HTR2C: variants seen among roughly 807,000 people sequenced by gnomAD.
HTR2C encodes the protein 5-hydroxytryptamine (serotonin) receptor 2C, G protein-coupled.
In HTR2C, 5 loss-of-function variants were observed where a neutral mutation model predicts 21.0. The observed-to-expected ratio is 0.24, with a 90% CI of 0.12 to 0.50. The LOEUF is 0.50. Ranked by LOEUF, HTR2C falls within the 20% of genes least tolerant of loss-of-function variation. The pLI is 0.98. For missense variants in HTR2C, 271 were observed against 371.2 expected, an observed-to-expected ratio of 0.73 and a Z score of 2.22; for synonymous variants, 150 against 145.3, an observed-to-expected ratio of 1.03 and a Z score of -0.23.
At chrX:114,887,787 C>G (rs918876499) in intron 5 of HTR2C, among the ~76,000 whole-genome samples, 1 of 110,125 alleles carries the variant, frequency 9.1e-6, no homozygotes, top group Non-Finnish European at 1.9e-5. Flanking sequence ...TTTGGGAGGC[C>G]GAGGTGGGCA....
At chrX:114,594,935 G>C (rs1329925760) in intron 1 of HTR2C, among the ~76,000 whole-genome samples, 3 of 111,093 alleles carry the variant, frequency 2.7e-5, no homozygotes, top group African/African-American at 9.8e-5. Flanking sequence ...AGCTGAAAGG[G>C]TTTAATAATA....
At chrX:114,648,958 A>G (rs1336832754) in intron 2 of HTR2C, among the ~76,000 whole-genome samples, 1 of 111,561 alleles carries the variant, frequency 9.0e-6, no homozygotes, top group Admixed American at 9.6e-5. Context: ...TGGAGTATGG[A>G]AACTAACATG....
At chrX:114,619,669 A>AT (rs201883564) in intron 2 of HTR2C, among the ~76,000 whole-genome samples, 6 of 109,682 alleles carry the variant, frequency 5.5e-5, no homozygotes, top group Non-Finnish European at 5.7e-5. Context: ...GCTTAAAGGC[A>AT]TTTTTTTTTC....
chrX:114,711,287 T>A lies in HTR2C; in HGVS notation c.-79-15571T>A, dbSNP rs181376233. Among the ~76,000 whole-genome samples, 239 of 111,832 alleles carry A rather than the reference T, an allele frequency of 2.1e-3. 1 individual carries two copies. The highest frequency in any genetic ancestry group is 3.1e-3 in the Non-Finnish European group (166 of 53,092). On this transcript the variant is annotated intron_variant, in intron 2 of 5. Coordinates refer to ENST00000276198, the MANE Select transcript of HTR2C (RefSeq NM_000868.4). Reference sequence around the variant, plus strand: ...ATCAGCAGATTGTAGAAAAATTAAGTATGAATAGAGAATAGTAATGAATAT... The same window carrying A: ...ATCAGCAGATTGTAGAAAAATTAAGAATGAATAGAGAATAGTAATGAATAT...
chrX:114,881,212 T>A (rs1319649589), intron 5 of HTR2C, among the ~76,000 whole-genome samples: 1 of 111,237 alleles, frequency 9.0e-6, no homozygotes, highest in Non-Finnish European at 1.9e-5. Context: ...GGGTTATTTA[T>A]CTCTTACTAC....
chrX:114,747,502 C>A (rs782451786), intron 4 of HTR2C, among the ~76,000 whole-genome samples: 2 of 112,304 alleles, frequency 1.8e-5, no homozygotes, highest in African/African-American at 6.5e-5. Flanking sequence ...TACAAAGACG[C>A]TCCTAGAAAT....
chrX:114,876,422 C>CTTTTTTTTTTTTTTTTTTTTTTTTTTT (rs60498146), intron 5 of HTR2C, among the ~76,000 whole-genome samples: 3 of 62,397 alleles, frequency 4.8e-5, no homozygotes, highest in Admixed American at 2.4e-4. Context: ...CTTTTTCTTT[C>CTTTTTTTTTTTTTTTTTTTTTTTTTTT]TTTTTTTTTT....
intron 4 of HTR2C, among the ~76,000 whole-genome samples, chrX:114,748,700 A>G (rs1248971206): frequency 1.8e-5 from 2 of 112,342 alleles, no homozygotes; most frequent in African/African-American, 3.2e-5. Flanking sequence ...AAAAAACCTG[A>G]ATTCATATTT....
At chrX:114,723,580 C>CT (rs1204206250) in intron 2 of HTR2C, among the ~76,000 whole-genome samples, 2 of 107,856 alleles carry the variant, frequency 1.9e-5, no homozygotes, top group Non-Finnish European at 3.8e-5. Context: ...TTTGCTCTTG[C>CT]TTTTCTAGTT....
chrX:114,806,627 TACCATATATAC>T (rs782056171), intron 4 of HTR2C, among the ~76,000 whole-genome samples: 1,696 of 97,994 alleles, frequency 0.017, 44 homozygotes, highest in African/African-American at 0.06. Context: ...ACCATATATA[TACCATATATAC>T]ACTATATATA....
chrX:114,723,279 C>G (rs1481660412), intron 2 of HTR2C, among the ~76,000 whole-genome samples: 1 of 111,436 alleles, frequency 9.0e-6, no homozygotes, highest in African/African-American at 3.3e-5. Context: ...TCCATTTCTT[C>G]TAGATTTTCT....
At chrX:114,879,659 T>C (rs1194906753) in intron 5 of HTR2C, among the ~76,000 whole-genome samples, 1 of 110,872 alleles carries the variant, frequency 9.0e-6, no homozygotes, top group Non-Finnish European at 1.9e-5. Context: ...CTTATTCCTT[T>C]GCATCCTGAT....
At chrX:114,862,073 GC>G (rs1354556614) in intron 5 of HTR2C, among the ~76,000 whole-genome samples, 1 of 110,939 alleles carries the variant, frequency 9.0e-6, no homozygotes, top group East Asian at 2.8e-4. Context: ...ATGTACAAGA[GC>G]TTTTCCTTTA....
chrX:114,715,443 G>T, intron 2 of HTR2C: 1 of 262,205 alleles, frequency 3.8e-6, no homozygotes, highest in Non-Finnish European at 7.7e-6. Flanking sequence ...TGTGGGTGAA[G>T]AGACACCATT....
At position 114,592,105 on chromosome X, in the gene HTR2C, T is replaced by C. The variant is rs147843064; in HGVS notation, c.-147+7446T>C. Among the ~76,000 whole-genome samples, 17 of 112,008 alleles carry C rather than the reference T, an allele frequency of 1.5e-4. No individual in the cohort carries two copies. The East Asian group carries it at 3.4e-3, about 22-fold the overall frequency. Reference sequence around the variant, plus strand: ...CAGAATACAGAAACCACTGAGGTTATATGACTGACTTCCCTAAGGTTACAA... The same window carrying C: ...CAGAATACAGAAACCACTGAGGTTACATGACTGACTTCCCTAAGGTTACAA... On this transcript the variant is annotated intron_variant, in intron 1 of 5. Coordinates refer to ENST00000276198, the MANE Select transcript of HTR2C (RefSeq NM_000868.4).
chrX:114,678,671 G>T (rs1226738228), intron 2 of HTR2C, among the ~76,000 whole-genome samples: 2 of 111,425 alleles, frequency 1.8e-5, no homozygotes, highest in Non-Finnish European at 3.8e-5. Flanking sequence ...TAATGAATGT[G>T]AAAGTGCTTT....
At chrX:114,882,375 C>A (rs1366092331) in intron 5 of HTR2C, among the ~76,000 whole-genome samples, 4 of 109,959 alleles carry the variant, frequency 3.6e-5, no homozygotes, top group Non-Finnish European at 7.7e-5. Context: ...ACCTCTAGTA[C>A]AATGATAAAT....
At chrX:114,898,518 T>C (rs2147533674) in intron 5 of HTR2C, among the ~76,000 whole-genome samples, 1 of 112,216 alleles carries the variant, frequency 8.9e-6, no homozygotes, top group African/African-American at 3.2e-5. Context: ...CTGAGATTTT[T>C]AGTTTGGGGT....
intron 5 of HTR2C, among the ~76,000 whole-genome samples, chrX:114,851,207 A>G (rs2070914781): frequency 8.9e-6 from 1 of 111,873 alleles, no homozygotes; most frequent in African/African-American, 3.2e-5. Flanking sequence ...TTGTATGAAA[A>G]CAATTAACAA....
Sources: allele counts gnomAD v4.1 joint callset (sites outside exome capture counted in the v4.1 genomes callset), GRCh38; gene constraint gnomAD v4.1.1; transcripts MANE v1.5; gene names NCBI Gene and HGNC (gene_info 2026-07-23, HGNC 2026-07-21).